COMMD10: variants seen among roughly 807,000 people sequenced by gnomAD.
The protein encoded by COMMD10 is COMM domain-containing protein 10.
COMMD10 carries 33 observed loss-of-function variants against 28.9 expected under a neutral mutation model. The ratio of observed to expected loss-of-function variants is 1.14; its 90% CI spans 0.87 to 1.53. COMMD10 has a LOEUF of 1.53. Ranked by LOEUF, COMMD10 falls within the 40% of genes most tolerant of loss-of-function variation. COMMD10 has a pLI of 0.00. For synonymous variants in COMMD10, 110 were observed against 81.7 expected (o/e 1.35, Z -1.87); for missense variants, 310 against 233.4 (o/e 1.33, Z -2.14).
intron 2 of COMMD10, 82 bp from the exon 3 acceptor site, chr5:116,090,997 C>T (rs924814577): frequency 2.8e-5 from 21 of 755,320 alleles, no homozygotes; most frequent in Non-Finnish European, 3.6e-5. Context: ...ATCTCATATA[C>T]GAATAAATGA....
At chr5:116,248,994 A>G (rs1028480204) in intron 5 of COMMD10, among the ~76,000 whole-genome samples, 2 of 151,988 alleles carry the variant, frequency 1.3e-5, no homozygotes, top group South Asian at 4.1e-4. Context: ...TGTGCCCATT[A>G]TTATACTTTT....
At chr5:116,119,017 T>C (rs142758600) in intron 4 of COMMD10, among the ~76,000 whole-genome samples, 121 of 152,324 alleles carry the variant, frequency 7.9e-4, no homozygotes, top group African/African-American at 2.9e-3. Context: ...TTTTTCAGAG[T>C]GTTGCCAATT....
At chr5:116,085,848 A>G (rs955508228) in intron 1 of COMMD10, among the ~76,000 whole-genome samples, 2 of 152,240 alleles carry the variant, frequency 1.3e-5, no homozygotes, top group African/African-American at 4.8e-5. Context: ...GATTGGGTAG[A>G]AATCTTTCAG....
At chr5:116,126,537 A>C (rs1453152762) in intron 4 of COMMD10, among the ~76,000 whole-genome samples, 1 of 152,010 alleles carries the variant, frequency 6.6e-6, no homozygotes, top group Non-Finnish European at 1.5e-5. Flanking sequence ...CTACAAGGCT[A>C]CAGTAACCAA....
In COMMD10 at chr5:116,091,069, T is replaced by A. The variant is rs775996446; in HGVS notation, c.133-10T>A. ...TGTGCTAATATAATAGATTGCTATT[T>A]GTATTATAGGCTGAGAGCAGTTTCA... On this transcript the variant is annotated splice_polypyrimidine_tract_variant and intron_variant, in intron 2 of 6. Coordinates refer to ENST00000274458, the MANE Select transcript of COMMD10 (RefSeq NM_016144.4). The A allele has an allele frequency of 1.3e-6, 2 of 1,548,374 alleles. No homozygotes were observed. Among genetic ancestry groups the A allele is most frequent in the Non-Finnish European group, 1.8e-6 (2 of 1,131,370 alleles).
intron 4 of COMMD10, among the ~76,000 whole-genome samples, chr5:116,097,079 T>G (rs1267044565): frequency 6.6e-6 from 1 of 152,164 alleles, no homozygotes; most frequent in Admixed American, 6.5e-5. Flanking sequence ...GAAAGTTTGT[T>G]TTTTTAAAGG....
At chr5:116,126,086 G>C (rs1308706355) in intron 4 of COMMD10, among the ~76,000 whole-genome samples, 1 of 152,154 alleles carries the variant, frequency 6.6e-6, no homozygotes, top group Non-Finnish European at 1.5e-5. Flanking sequence ...AAAGTCTTAG[G>C]ATACAAAATC....
At chr5:116,197,185 G>A (rs1469823285) in intron 5 of COMMD10, among the ~76,000 whole-genome samples, 2 of 151,924 alleles carry the variant, frequency 1.3e-5, no homozygotes, top group Admixed American at 6.6e-5. Context: ...CTTGAGTTTT[G>A]GAAGAGACTG....
chr5:116,285,237 C>G (rs1469037842), intron 5 of COMMD10, among the ~76,000 whole-genome samples: 5 of 151,944 alleles, frequency 3.3e-5, no homozygotes, highest in Admixed American at 3.3e-4. Context: ...CTACCGAACT[C>G]TTAAATGTGC....
intron 4 of COMMD10, among the ~76,000 whole-genome samples, chr5:116,119,993 T>C (rs1451214100): frequency 6.6e-6 from 1 of 152,098 alleles, no homozygotes; most frequent in Non-Finnish European, 1.5e-5. Context: ...ATTGTATGGT[T>C]CCATGAATTT....
intron 5 of COMMD10, among the ~76,000 whole-genome samples, chr5:116,207,727 C>T (rs1172213645): frequency 3.3e-5 from 5 of 152,054 alleles, no homozygotes; most frequent in East Asian, 1.9e-4. Flanking sequence ...GGTTTCACCA[C>T]GTTGGCCAGG....
chr5:116,127,096 C>G (rs1301664929), intron 4 of COMMD10, among the ~76,000 whole-genome samples: 1 of 152,090 alleles, frequency 6.6e-6, no homozygotes, highest in African/African-American at 2.4e-5. Context: ...TCAAACAACC[C>G]CATCAAAAAG....
chr5:116,235,053 A>C (rs754353024), intron 5 of COMMD10, among the ~76,000 whole-genome samples: 14 of 152,196 alleles, frequency 9.2e-5, no homozygotes, highest in Admixed American at 6.5e-5. Flanking sequence ...CATAAAAATC[A>C]ATCATTTGTA....
chr5:116,211,485 G>T (rs1161691956), intron 5 of COMMD10, among the ~76,000 whole-genome samples: 6 of 152,094 alleles, frequency 3.9e-5, no homozygotes, highest in African/African-American at 1.4e-4. Context: ...GCATCACTAG[G>T]CCATAGGAAA....
intron 5 of COMMD10, among the ~76,000 whole-genome samples, chr5:116,142,159 T>G (rs1752214806): frequency 6.6e-6 from 1 of 151,884 alleles, no homozygotes; most frequent in Non-Finnish European, 1.5e-5. Context: ...ATTATAGGAC[T>G]TGTTTAATTT....
At chr5:116,289,982 A>G (rs1370912575) in intron 5 of COMMD10, among the ~76,000 whole-genome samples, 1 of 151,922 alleles carries the variant, frequency 6.6e-6, no homozygotes, top group African/African-American at 2.4e-5. Flanking sequence ...CCTCAATGTA[A>G]CATTTTAGGA....
chr5:116,131,475 T>G (rs1418141294), intron 4 of COMMD10, among the ~76,000 whole-genome samples: 1 of 151,944 alleles, frequency 6.6e-6, no homozygotes, highest in Non-Finnish European at 1.5e-5. Flanking sequence ...TAGGTTGCAG[T>G]CCTGCCTCCT....
chr5:116,211,154 G>C (rs142013271), intron 5 of COMMD10, among the ~76,000 whole-genome samples: 1 of 152,026 alleles, frequency 6.6e-6, no homozygotes, highest in Non-Finnish European at 1.5e-5. Context: ...TTATGTTTAT[G>C]TGTGTGTTTA....
intron 5 of COMMD10, among the ~76,000 whole-genome samples, chr5:116,228,236 T>C (rs536903040): frequency 1.3e-5 from 2 of 152,084 alleles, no homozygotes; most frequent in South Asian, 4.1e-4. Context: ...AATAAACTTC[T>C]AATTCCCCTT....
Sources: gnomAD v4.1 joint callset for allele counts (sites outside exome capture counted in the v4.1 genomes callset) on GRCh38, gnomAD v4.1.1 for gene constraint, MANE v1.5 for transcripts, NCBI Gene and HGNC (gene_info 2026-07-23, HGNC 2026-07-21) for gene names.